MAN2A1: variants seen among roughly 807,000 people sequenced by gnomAD.
MAN2A1 encodes alpha-mannosidase 2.
In MAN2A1, 76 loss-of-function variants were observed where a neutral mutation model predicts 142.6. The ratio of observed to expected loss-of-function variants is 0.53; its 90% CI spans 0.44 to 0.65. The LOEUF (loss-of-function observed/expected upper bound fraction) is 0.65, where lower values mean the gene tolerates loss of function less well. Among genes scored for constraint, MAN2A1 ranks in the 30% least tolerant of loss-of-function variants. The pLI is 0.00. For synonymous variants in MAN2A1, 559 were observed against 473.2 expected, an observed-to-expected ratio of 1.18 and a Z score of -2.35; for missense variants, 1,311 against 1,365.1, an observed-to-expected ratio of 0.96 and a Z score of 0.62.
chr5:109,828,646 T>G (rs1191128516), intron 16 of MAN2A1, among the ~76,000 whole-genome samples: 3 of 152,220 alleles, frequency 2.0e-5, no homozygotes, highest in Non-Finnish European at 4.4e-5. Context: ...AGGCAGGTGT[T>G]TGTTAGCGAG....
In MAN2A1 at chr5:109,767,521, A is replaced by G. The variant is rs201707343; in HGVS notation, c.836-14A>G. The G allele has an allele frequency of 8.7e-5, 139 of 1,600,296 alleles. No individual in the cohort carries two copies. The highest frequency in any genetic ancestry group is 9.6e-5 in the Non-Finnish European group (113 of 1,175,504). ...TCAATTAAAAAAATTAACACTTATC[A>G]TCTTTATCCACAGGAGTGAAACCTC... is the stretch of plus-strand genomic sequence containing the variant. On this transcript the variant is annotated splice_polypyrimidine_tract_variant and intron_variant, in intron 5 of 21. Transcript: ENST00000261483.
At chr5:109,754,772 C>A (rs1315155741) in intron 4 of MAN2A1, among the ~76,000 whole-genome samples, 1 of 152,178 alleles carries the variant, frequency 6.6e-6, no homozygotes, top group Non-Finnish European at 1.5e-5. Flanking sequence ...GAAGCTGAGG[C>A]GGGCAAATCA....
chr5:109,767,454 C>A, intron 5 of MAN2A1, 81 bp from the exon 6 acceptor site: 1 of 1,142,460 alleles, frequency 8.8e-7, no homozygotes, highest in Non-Finnish European at 1.3e-6. Context: ...TATACAATGA[C>A]AATGAGTCTG....
chr5:109,810,416 C>T (rs1754285066), intron 12 of MAN2A1, among the ~76,000 whole-genome samples: 1 of 152,110 alleles, frequency 6.6e-6, no homozygotes, highest in South Asian at 2.1e-4. Context: ...CAACTAATAG[C>T]CTGCTTATAT....
chr5:109,698,487 G>T (rs1052728375), intron 1 of MAN2A1, among the ~76,000 whole-genome samples: 1 of 152,054 alleles, frequency 6.6e-6, no homozygotes, highest in African/African-American at 2.4e-5. Context: ...CAAAATGGGG[G>T]TAATGCGTCT....
intron 12 of MAN2A1, among the ~76,000 whole-genome samples, chr5:109,811,625 C>T (rs1278502138): frequency 9.3e-5 from 14 of 149,752 alleles, no homozygotes; most frequent in Admixed American, 9.3e-4. Flanking sequence ...TGTGTGTCTG[C>T]ATGCATACGT....
intron 21 of MAN2A1, among the ~76,000 whole-genome samples, chr5:109,865,992 G>C (rs1269651660): frequency 6.6e-6 from 1 of 152,094 alleles, no homozygotes; most frequent in African/African-American, 2.4e-5. Context: ...CCAGACTCAA[G>C]TGATTCAGTT....
chr5:109,729,272 A>C (rs146640929), intron 3 of MAN2A1, 70 bp from the exon 4 acceptor site: 3 of 965,436 alleles, frequency 3.1e-6, no homozygotes, highest in Non-Finnish European at 4.7e-6. Context: ...AAGTAATGCA[A>C]TGGAATGTGA....
intron 15 of MAN2A1, among the ~76,000 whole-genome samples, chr5:109,823,392 T>G (rs1754678173): frequency 1.3e-5 from 2 of 152,218 alleles, no homozygotes; most frequent in African/African-American, 2.4e-5. Context: ...TGGGAAAATG[T>G]AACTTCTGTA....
intron 5 of MAN2A1, among the ~76,000 whole-genome samples, chr5:109,762,010 A>G (rs1321465659): frequency 1.3e-5 from 2 of 152,144 alleles, no homozygotes; most frequent in Non-Finnish European, 2.9e-5. Context: ...AAAAAATAAT[A>G]TACTAGCAGA....
At chr5:109,847,971 C>T (rs114896244) in intron 19 of MAN2A1, among the ~76,000 whole-genome samples, 181 bp downstream of exon 19, 3,861 of 152,118 alleles carry the variant, frequency 0.025, 171 homozygotes, top group African/African-American at 0.088. Context: ...GTAAGATTTG[C>T]ACTTAGGTCT....
chr5:109,703,725 G>T (rs1427514454), intron 1 of MAN2A1, among the ~76,000 whole-genome samples: 1 of 152,148 alleles, frequency 6.6e-6, no homozygotes, highest in Non-Finnish European at 1.5e-5. Context: ...TTATTAAATG[G>T]ATTTGTAAGT....
At chr5:109,833,948 C>T (rs1754996638) in intron 16 of MAN2A1, among the ~76,000 whole-genome samples, 1 of 152,116 alleles carries the variant, frequency 6.6e-6, no homozygotes, top group Non-Finnish European at 1.5e-5. Flanking sequence ...TCCAGTCAGA[C>T]ACCAATATGT....
At chr5:109,824,675 G>A (rs936065368) in intron 16 of MAN2A1, among the ~76,000 whole-genome samples, 8 of 152,058 alleles carry the variant, frequency 5.3e-5, no homozygotes, top group African/African-American at 1.9e-4. Flanking sequence ...CTTCATACAG[G>A]TAAAAAATAA....
intron 4 of MAN2A1, among the ~76,000 whole-genome samples, chr5:109,737,673 G>A (rs1752143992): frequency 6.6e-6 from 1 of 152,060 alleles, no homozygotes; most frequent in Non-Finnish European, 1.5e-5. Flanking sequence ...TCATGAAAAA[G>A]TATCGTTAGA....
chr5:109,734,988 A>G (rs903798872), intron 4 of MAN2A1, among the ~76,000 whole-genome samples: 1 of 152,070 alleles, frequency 6.6e-6, no homozygotes, highest in Admixed American at 6.6e-5. Flanking sequence ...GTCTCCCATT[A>G]TTATTGTGTG....
chr5:109,772,374 TAAAC>T (rs746717301), intron 7 of MAN2A1, among the ~76,000 whole-genome samples: 23 of 152,146 alleles, frequency 1.5e-4, no homozygotes, highest in African/African-American at 3.6e-4. Context: ...GTCTCTAAAA[TAAAC>T]AAACAAACAA....
intron 12 of MAN2A1, chr5:109,804,153 G>A (rs1418677009): frequency 1.0e-6 from 1 of 987,054 alleles, no homozygotes; most frequent in Non-Finnish European, 1.2e-6. Flanking sequence ...TCTAAATGCA[G>A]ATTAATAAAG....
At chr5:109,843,402 G>T (rs1363434720) in intron 17 of MAN2A1, among the ~76,000 whole-genome samples, 1 of 152,080 alleles carries the variant, frequency 6.6e-6, no homozygotes, top group Non-Finnish European at 1.5e-5. Context: ...TGCCCACCAG[G>T]TCTCTCTCTC....
Sources: allele counts gnomAD v4.1 joint callset (sites outside exome capture counted in the v4.1 genomes callset), GRCh38; gene constraint gnomAD v4.1.1; transcripts MANE v1.5; gene names NCBI Gene and HGNC (gene_info 2026-07-23, HGNC 2026-07-21).